The following ILKAP variants were observed in gnomAD, a reference collection of about 807,000 sequenced individuals.
ILKAP encodes ILK associated serine/threonine phosphatase, also known as integrin-linked kinase-associated serine/threonine phosphatase 2C.
A neutral mutation model predicts 49.1 loss-of-function variants in ILKAP; 11 were observed. The ratio of observed to expected loss-of-function variants is 0.22; its 90% confidence interval spans 0.14 to 0.37. The LOEUF is 0.37. Ranked by LOEUF, ILKAP falls within the 10% of genes least tolerant of loss-of-function variation. ILKAP has a pLI of 1.00. For synonymous variants in ILKAP, 186 were observed against 192.8 expected (o/e 0.96, Z 0.29); for missense variants, 363 against 510.8 (o/e 0.71, Z 2.79).
chr2:238,200,566 T>A (rs1694526317), intron 1 of ILKAP, among the ~76,000 whole-genome samples: 1 of 152,204 alleles, frequency 6.6e-6, no homozygotes, highest in African/African-American at 2.4e-5. Context: ...ACCACTGTAA[T>A]CCCAGCACTC....
chr2:238,192,465 C>T (rs530798972), intron 3 of ILKAP, among the ~76,000 whole-genome samples: 6 of 150,252 alleles, frequency 4.0e-5, no homozygotes, highest in East Asian at 4.1e-4. Flanking sequence ...TTTGGGAGGC[C>T]GAGGCAGGCG....
chr2:238,191,973 G>C (rs969331179), intron 3 of ILKAP, among the ~76,000 whole-genome samples: 2 of 151,806 alleles, frequency 1.3e-5, no homozygotes, highest in East Asian at 1.9e-4. Context: ...AGCACTTTGG[G>C]AGGCAGAGGC....
chr2:238,188,425 A>C, intron 4 of ILKAP, 168 bp from the exon 5 acceptor site: 1 of 754,946 alleles, frequency 1.3e-6, no homozygotes, highest in Non-Finnish European at 2.1e-6. Context: ...CTGCAAGTCT[A>C]TAACTCAAAT....
At chr2:238,184,733 T>TG (rs1157708459) in intron 6 of ILKAP, among the ~76,000 whole-genome samples, 2 of 36,492 alleles carry the variant, frequency 5.5e-5, no homozygotes, top group Non-Finnish European at 1.1e-4. Flanking sequence ...GTTAGGTTTG[T>TG]TTTTTTTTTT....
intron 1 of ILKAP, among the ~76,000 whole-genome samples, chr2:238,199,777 CT>C (rs879423731): frequency 2.3e-3 from 329 of 144,254 alleles, no homozygotes; most frequent in Admixed American, 2.8e-3. Context: ...AAATATTCTT[CT>C]TTTTTTTTTT....
intron 9 of ILKAP, among the ~76,000 whole-genome samples, chr2:238,181,585 G>A (rs1693693104): frequency 1.3e-5 from 2 of 150,152 alleles, no homozygotes; most frequent in African/African-American, 4.9e-5. Flanking sequence ...ACCTAAAACT[G>A]TAACTTATTC....
At chr2:238,195,226 A>T (rs1694295202) in intron 1 of ILKAP, among the ~76,000 whole-genome samples, 1 of 152,162 alleles carries the variant, frequency 6.6e-6, no homozygotes, top group African/African-American at 2.4e-5. Flanking sequence ...AAAAAAACTG[A>T]TTCTAGACCA....
intron 9 of ILKAP, among the ~76,000 whole-genome samples, chr2:238,175,795 G>C (rs556571793): frequency 2.2e-4 from 34 of 152,246 alleles, no homozygotes; most frequent in Non-Finnish European, 4.3e-4. Flanking sequence ...TTGTTTTTAA[G>C]AGAAAAGGTC....
In ILKAP at chr2:238,191,153, C is replaced by CT. The variant is rs770071645; in HGVS notation, c.179-1182dup. Among the ~76,000 whole-genome samples, 1,213 of 142,164 alleles carry CT rather than the reference C, an allele frequency of 8.5e-3. 13 individuals are homozygous for CT. The highest frequency in any genetic ancestry group is 0.025 in the African/African-American group (994 of 39,020). 93.3% of individuals were successfully genotyped at this position (142,164 alleles called of 152,430 possible). ...AATTTTTTTGGTAAACACAAGGTGT[C>CT]TTTTTTTTTTTTTTGAGACGGAGTC... On this transcript the variant is annotated intron_variant, in intron 3 of 11. Coordinates refer to ENST00000254654, the MANE Select transcript of ILKAP (RefSeq NM_030768.3).
Position 238,189,956 on chromosome 2 carries a change from T to C in ILKAP, c.195A>G (p.Ser65=), listed in dbSNP as rs764219860. The part of the protein sequence containing the change: ...SSGDSGSLAT[S]ISQMVKTEGK... ...CTTCAGTCTTTACCATCTGGGATAT[T>C]GATGTGGCAAGAGAACCTGGAAATA... Residue 65 remains serine (S), a synonymous_variant, in exon 4 of 12, where the codon TCA becomes TCG. Coordinates refer to ENST00000254654, the MANE Select transcript of ILKAP (RefSeq NM_030768.3). The C allele has an allele frequency of 1.5e-5, 25 of 1,613,920 alleles. No individual in the cohort carries two copies. The South Asian group carries it at 2.5e-4, about 16-fold the overall frequency.
chr2:238,173,281 C>T (rs1693306473), intron 10 of ILKAP, among the ~76,000 whole-genome samples: 1 of 152,188 alleles, frequency 6.6e-6, no homozygotes, highest in Non-Finnish European at 1.5e-5. Context: ...ATAACCCCTT[C>T]CCCTACTGCC....
At chr2:238,194,950 C>G in intron 1 of ILKAP, 80 bp from the exon 2 acceptor site, 1 of 1,156,090 alleles carries the variant, frequency 8.6e-7, no homozygotes, top group South Asian at 1.3e-5. Flanking sequence ...CATGTGGTCT[C>G]CCCTGCTTTG....
rs757652003 is a variant in ILKAP, at chr2:238,170,578, C to T, written c.1137G>A (p.Ser379=). ...CCACCATCACAGTGACGTTGTCGGC[C>T]GAGCCCCGCTGCACCGCCTTGTTGG... ...RLANKAVQRG[S]ADNVTVMVVR... Residue 379 remains serine (S), a synonymous_variant, in exon 12 of 12, where the codon TCG becomes TCA. Coordinates refer to ENST00000254654, the MANE Select transcript of ILKAP (RefSeq NM_030768.3). 13 of 1,607,380 alleles carry T rather than the reference C, an allele frequency of 8.1e-6. No individual in the cohort carries two copies. The highest frequency in any genetic ancestry group is 3.3e-4 in the Middle Eastern group (2 of 6,046).
chr2:238,176,449 T>G (rs1282755209), intron 9 of ILKAP, among the ~76,000 whole-genome samples: 1 of 152,134 alleles, frequency 6.6e-6, no homozygotes, highest in Admixed American at 6.5e-5. Context: ...GCATTTTAAG[T>G]CTCAGCCTAC....
intron 11 of ILKAP, 42 bp from the exon 12 acceptor site, chr2:238,170,718 C>T (rs999007803): frequency 1.0e-5 from 16 of 1,600,124 alleles, no homozygotes; most frequent in Admixed American, 1.7e-5. Flanking sequence ...AGTGACCCCG[C>T]ACCCTGTCAC....
intron 1 of ILKAP, among the ~76,000 whole-genome samples, chr2:238,199,440 CTGA>C (rs1694480610): frequency 6.6e-6 from 1 of 152,220 alleles, no homozygotes; most frequent in African/African-American, 2.4e-5. Flanking sequence ...TGTTGCTAAT[CTGA>C]TGGGTGAAAA....
At position 238,175,726 on chromosome 2, in the gene ILKAP, C is replaced by A. The variant is rs534306679; in HGVS notation, c.837-2073G>T. ...TGAAGCTGGTTGGGACTCAGCCCCACCAGCCCCACAGGCTTCGTCCTTCCC... is the reference window on the plus strand; with the variant it reads ...TGAAGCTGGTTGGGACTCAGCCCCAACAGCCCCACAGGCTTCGTCCTTCCC... On this transcript the variant is annotated intron_variant, in intron 9 of 11. Transcript: ENST00000254654. Among the ~76,000 whole-genome samples the A allele has an allele frequency of 7.2e-5, 11 of 152,286 alleles. No individual in the cohort carries two copies. The East Asian group carries it at 2.1e-3, about 29-fold the overall frequency.
intron 1 of ILKAP, among the ~76,000 whole-genome samples, chr2:238,195,916 G>A (rs1291504880): frequency 2.0e-5 from 3 of 151,554 alleles, no homozygotes; most frequent in Admixed American, 6.6e-5. Flanking sequence ...GGTGGCAGGC[G>A]CCTGTAGTCC....
chr2:238,194,222 TA>T, intron 3 of ILKAP, 52 bp downstream of exon 3: 1 of 1,480,060 alleles, frequency 6.8e-7, no homozygotes, highest in Admixed American at 1.7e-5. Context: ...CACATAAGAG[TA>T]AAATACTATG....
Sources: allele counts gnomAD v4.1 joint callset (sites outside exome capture counted in the v4.1 genomes callset), GRCh38; gene constraint gnomAD v4.1.1; transcripts MANE v1.5; gene names NCBI Gene and HGNC (gene_info 2026-07-23, HGNC 2026-07-21).